CHAF1A: variants seen among roughly 807,000 people sequenced by gnomAD.
CHAF1A encodes the protein CAF-1 subunit A.
CHAF1A carries 5 observed loss-of-function variants against 93.2 expected under a neutral mutation model. The observed-to-expected ratio is 0.05, with a 90% CI of 0.03 to 0.11. The LOEUF (loss-of-function observed/expected upper bound fraction) is 0.11. Ranked by LOEUF, CHAF1A falls within the 10% of genes least tolerant of loss-of-function variation. The pLI, the probability that CHAF1A is intolerant of heterozygous loss-of-function variation, is 1.00. For synonymous variants in CHAF1A, 504 were observed against 510.3 expected, an observed-to-expected ratio of 0.99 and a Z score of 0.17; for missense variants, 1,102 against 1,259.9, an observed-to-expected ratio of 0.87 and a Z score of 1.90.
At chr19:4,421,363 C>T (rs1013870365) in intron 4 of CHAF1A, among the ~76,000 whole-genome samples, 1 of 152,098 alleles carries the variant, frequency 6.6e-6, no homozygotes, top group Non-Finnish European at 1.5e-5. Flanking sequence ...TGTGAGCCCC[C>T]TCAGCCCAGC....
At chr19:4,407,489 G>T (rs1446374888) in intron 2 of CHAF1A, among the ~76,000 whole-genome samples, 1 of 150,874 alleles carries the variant, frequency 6.6e-6, no homozygotes, top group African/African-American at 2.4e-5. Flanking sequence ...GTCCACAAAT[G>T]TGTCTATATT....
chr19:4,431,317 C>T (rs544676283), intron 11 of CHAF1A, among the ~76,000 whole-genome samples: 7 of 151,834 alleles, frequency 4.6e-5, no homozygotes, highest in African/African-American at 1.7e-4. Context: ...TTAGTAGAGA[C>T]GGGAGTTCAT....
rs1265575415 is a variant in CHAF1A, at chr19:4,443,004, G to T, written c.2850G>T (p.Ala950=). 6.3e-7 allele frequency: 1 copy of T among 1,594,682 alleles called. No homozygotes were observed. The highest frequency in any genetic ancestry group is 1.8e-5 in the Admixed American group (1 of 56,674). Reference sequence around the variant, plus strand: ...ACACCGGCAAGGCCACCCTGACCGCGAGCCCACTGGGTGCATCCTGAGAGC... The same window carrying T: ...ACACCGGCAAGGCCACCCTGACCGCTAGCCCACTGGGTGCATCCTGAGAGC... ...GVDTGKATLT[A]SPLGAS The change falls in exon 15 of 15, where the codon GCG becomes GCT. Residue 950 remains alanine (A), a synonymous_variant. Transcript: ENST00000301280.
chr19:4,429,536 C>T lies in CHAF1A; in HGVS notation c.1703C>T (p.Pro568Leu). Residue 568 changes from proline to leucine, a missense_variant, in exon 9 of 15, where the codon CCT (proline) becomes CTT (leucine). Physicochemically the swap from Pro to Leu is moderately conservative, Grantham distance 98 (BLOSUM62 -3). Transcript: ENST00000301280. ...KLLQFCENHRPAYWGTWNKKT... is the reference protein window; with the variant it reads ...KLLQFCENHRLAYWGTWNKKT... ...CTGCAGTTCTGTGAGAACCACCGGC[C>T]TGCCTACTGGGGTACCTGGAATAAG... 1 of 1,614,008 alleles carries T rather than the reference C, an allele frequency of 6.2e-7. No homozygotes were observed. The highest frequency in any genetic ancestry group is 8.5e-7 in the Non-Finnish European group (1 of 1,180,000).
intron 3 of CHAF1A, among the ~76,000 whole-genome samples, chr19:4,415,551 C>T (rs769045866): frequency 2.0e-5 from 3 of 152,200 alleles, no homozygotes; most frequent in Non-Finnish European, 4.4e-5. Flanking sequence ...AATCCCTCAG[C>T]GTGGGGGAGA....
In CHAF1A at chr19:4,433,929, T is replaced by G. The variant is rs1974236801; in HGVS notation, c.2673+390T>G. Among the ~76,000 whole-genome samples the G allele has an allele frequency of 1.3e-5, 2 of 152,042 alleles. No homozygotes were observed. The highest frequency in any genetic ancestry group is 1.3e-4 in the Admixed American group (2 of 15,242). ...TGTGTTTTTTAAATAACCTTACTCTTAGAGCAGTTTTAGGGTCACAGCAAA... is the reference window on the plus strand; with the variant it reads ...TGTGTTTTTTAAATAACCTTACTCTGAGAGCAGTTTTAGGGTCACAGCAAA... On this transcript the variant is annotated intron_variant, in intron 13 of 14. Coordinates refer to ENST00000301280, the MANE Select transcript of CHAF1A (RefSeq NM_005483.3). This position sits in a 1 kb window ranked among gnomAD's most constrained non-coding sequence, Gnocchi z 5.6.
In CHAF1A at chr19:4,433,830, G is replaced by T. The variant is rs2145135597; in HGVS notation, c.2673+291G>T. Among the ~76,000 whole-genome samples the T allele has an allele frequency of 6.6e-6, 1 of 152,138 alleles. No homozygotes were observed. The highest frequency in any genetic ancestry group is 2.1e-4 in the South Asian group (1 of 4,816). On this transcript the variant is annotated intron_variant, in intron 13 of 14. Coordinates refer to ENST00000301280, the MANE Select transcript of CHAF1A (RefSeq NM_005483.3). The surrounding 1 kb of genome is among the most constrained non-coding windows in gnomAD (Gnocchi z 5.6). ...TTGGTCAGGCTGGTCTCGAACTCCT[G>T]ACCTCATGATCCGTCTGCCTTGTCC...
Position 4,429,577 on chromosome 19 carries a change from C to G in CHAF1A, c.1744C>G (p.Arg582Gly), listed in dbSNP as rs761043231. The G allele has an allele frequency of 2.5e-6, 4 of 1,614,026 alleles. No homozygotes were observed. The highest frequency in any genetic ancestry group is 3.4e-6 in the Non-Finnish European group (4 of 1,179,998). ...CTGGAATAAGAAGACGGCACTCATCCGCGCGCGAGACCCCTGGGCCCAGGA... is the reference window on the plus strand; with the variant it reads ...CTGGAATAAGAAGACGGCACTCATCGGCGCGCGAGACCCCTGGGCCCAGGA... The part of the protein sequence containing the change: ...GTWNKKTALI[R>G]ARDPWAQDTK... Residue 582 changes from arginine to glycine, a missense_variant, in exon 9 of 15, where the codon CGC becomes GGC. Coordinates refer to ENST00000301280, the MANE Select transcript of CHAF1A (RefSeq NM_005483.3).
chr19:4,446,167 G>GCC, downstream of CHAF1A: 3 of 1,607,842 alleles, frequency 1.9e-6, no homozygotes, highest in Non-Finnish European at 2.5e-6. Context: ...CCCGTACACC[G>GCC]CCCCCAGCCG....
intron 13 of CHAF1A, among the ~76,000 whole-genome samples, chr19:4,438,033 G>A (rs1234253508): frequency 4.6e-5 from 7 of 152,092 alleles, no homozygotes; most frequent in South Asian, 4.1e-4. Context: ...GAGACACCAC[G>A]CCCGGCATCT....
At chr19:4,408,115 T>G (rs1973714602) in intron 2 of CHAF1A, among the ~76,000 whole-genome samples, 1 of 149,050 alleles carries the variant, frequency 6.7e-6, no homozygotes, top group African/African-American at 2.5e-5. Flanking sequence ...CAAGCGATCC[T>G]CCTGCCTCAG....
At position 4,422,805 on chromosome 19, in the gene CHAF1A, C is replaced by A; in HGVS notation, c.1247+10C>A. 1 of 1,610,558 alleles carries A rather than the reference C, an allele frequency of 6.2e-7. No homozygotes were observed. Among genetic ancestry groups the A allele is most frequent in the Middle Eastern group, 2.1e-4 (1 of 4,794 alleles). The stretch of plus-strand genomic sequence containing the variant: ...GACAGGAAGCCCTGGAGTGAGTGTC[C>A]TTGGAGGCCATGCTGGGCCCGCCAC... On this transcript the variant is annotated intron_variant, in intron 5 of 14. Transcript: ENST00000301280. This position sits in a 1 kb window ranked among gnomAD's most constrained non-coding sequence, Gnocchi z 4.6.
At chr19:4,437,446 G>A (rs947953584) in intron 13 of CHAF1A, among the ~76,000 whole-genome samples, 5 of 152,090 alleles carry the variant, frequency 3.3e-5, no homozygotes, top group Non-Finnish European at 5.9e-5. Context: ...ACTCCTGGGC[G>A]CAAGTGATCC....
downstream of CHAF1A, chr19:4,446,094 C>T (rs759798589): frequency 3.8e-5 from 62 of 1,612,712 alleles, no homozygotes; most frequent in Non-Finnish European, 5.0e-5. Flanking sequence ...CGGACAGCTT[C>T]TGCCCTCCCG....
chr19:4,445,732 CA>C, downstream of CHAF1A: 2 of 1,519,010 alleles, frequency 1.3e-6, no homozygotes, highest in Non-Finnish European at 1.8e-6. Flanking sequence ...GAAGCCATCT[CA>C]GCTGGTGGAG....
intron 3 of CHAF1A, among the ~76,000 whole-genome samples, chr19:4,414,052 T>C (rs975025959): frequency 2.6e-5 from 4 of 152,222 alleles, no homozygotes; most frequent in Non-Finnish European, 5.9e-5. Flanking sequence ...CCCAGATTGC[T>C]GGAACTTCTT....
intron 7 of CHAF1A, among the ~76,000 whole-genome samples, chr19:4,427,576 C>T (rs1974107426): frequency 6.8e-6 from 1 of 146,536 alleles, no homozygotes; most frequent in Non-Finnish European, 1.5e-5. Flanking sequence ...CCATGCCAAG[C>T]TAATTTTTGT....
At chr19:4,445,413 G>A, downstream of CHAF1A, 1 of 1,583,788 alleles carries the variant, frequency 6.3e-7, no homozygotes, top group Non-Finnish European at 8.6e-7. Flanking sequence ...TTCCAGAGGT[G>A]GCTTGGAGGC....
At chr19:4,416,084 G>A (rs1973892565) in intron 3 of CHAF1A, among the ~76,000 whole-genome samples, 1 of 152,118 alleles carries the variant, frequency 6.6e-6, no homozygotes, top group African/African-American at 2.4e-5. Flanking sequence ...TGAGGCAGGA[G>A]AATCGCTTGA....
Sources: allele counts gnomAD v4.1 joint callset (sites outside exome capture counted in the v4.1 genomes callset), GRCh38; gene constraint gnomAD v4.1.1; non-coding constraint Gnocchi (gnomAD v3.1); transcripts MANE v1.5; gene names NCBI Gene and HGNC (gene_info 2026-07-23, HGNC 2026-07-21).